The following HPD variants were observed in gnomAD, a reference collection of about 807,000 sequenced individuals.
HPD encodes the protein 4-hydroxyphenylpyruvate dioxygenase.
A neutral mutation model predicts 56.9 loss-of-function variants in HPD; 35 were observed. The ratio of observed to expected loss-of-function variants is 0.62; its 90% CI spans 0.47 to 0.82. HPD has a LOEUF of 0.82. Among genes scored for constraint, HPD ranks in the 40% least tolerant of loss-of-function variants. The probability of loss-of-function intolerance (pLI) is 0.00; values close to 1 mark genes in which losing one functional copy is unlikely to be tolerated. For synonymous variants in HPD, 186 were observed against 200.2 expected (o/e 0.93, Z 0.60); for missense variants, 442 against 506.8 (o/e 0.87, Z 1.23).
At chr12:121,841,157 G>A (rs1380980013) in intron 12 of HPD, among the ~76,000 whole-genome samples, 4 of 150,752 alleles carry the variant, frequency 2.7e-5, no homozygotes, top group African/African-American at 7.3e-5. Flanking sequence ...AGCCAAGATC[G>A]GCCACTGCTC....
intron 7 of HPD, among the ~76,000 whole-genome samples, chr12:121,851,511 T>G (rs1197380944): frequency 6.8e-6 from 1 of 147,702 alleles, no homozygotes; most frequent in Admixed American, 6.8e-5. Flanking sequence ...GCCCAGCTAA[T>G]TTTTGTATAT....
the HPD span, among the ~76,000 whole-genome samples, chr12:121,880,992 C>T: frequency 1.3e-5 from 2 of 152,162 alleles, no homozygotes; most frequent in African/African-American, 4.8e-5. Flanking sequence ...AGGATTTCGC[C>T]ATGTTGGCCA....
chr12:121,864,222 G>A (rs1565881523), upstream of HPD, among the ~76,000 whole-genome samples: 2 of 151,192 alleles, frequency 1.3e-5, no homozygotes, highest in African/African-American at 4.9e-5. Context: ...CCAGCCTGGC[G>A]ACAGAGCAAG....
chr12:121,851,461 C>G (rs1333559795), intron 7 of HPD, among the ~76,000 whole-genome samples: 1 of 151,824 alleles, frequency 6.6e-6, no homozygotes, highest in Non-Finnish European at 1.5e-5. Context: ...ATTCTTCTGC[C>G]TCAGCCTCCC....
chr12:121,885,425 C>G, the HPD span, among the ~76,000 whole-genome samples: 1 of 151,806 alleles, frequency 6.6e-6, no homozygotes, highest in Non-Finnish European at 1.5e-5. Flanking sequence ...TGGTCTCCAT[C>G]TCTTGACCTT....
chr12:121,864,784 C>G (rs1474508097), upstream of HPD, among the ~76,000 whole-genome samples: 1 of 151,312 alleles, frequency 6.6e-6, no homozygotes, highest in African/African-American at 2.4e-5. Context: ...ACCCGGGGCG[C>G]GGAGCTTGCA....
chr12:121,882,720 T>C, the HPD span, among the ~76,000 whole-genome samples: 1 of 152,080 alleles, frequency 6.6e-6, no homozygotes, highest in African/African-American at 2.4e-5. Context: ...TATTTCTTTT[T>C]CTTTTTGTTT....
Position 121,847,167 on chromosome 12 carries a change from G to GTT in HPD, c.643_644insAA (p.Thr215LysfsTer68), listed in dbSNP as rs768379799. ...AGAGCTATATTCCGTGTGCACCTGC[G>GTT]TGTCATCCACGGACCAGAAGCGGTG... On this transcript the variant is annotated frameshift_variant, in exon 10 of 14. Transcript: ENST00000289004. LOFTEE classifies it high-confidence loss of function. The GTT allele has an allele frequency of 6.2e-7, 1 of 1,614,154 alleles. No individual in the cohort carries two copies. The highest frequency in any genetic ancestry group is 8.5e-7 in the Non-Finnish European group (1 of 1,180,008).
chr12:121,843,795 G>A lies in HPD; in HGVS notation c.869C>T (p.Ser290Phe). ...TTGTTTGTAGTACGTGGAGGGAACAGATAAGAACTCCAGGCCTCTCTCTCT... is the reference window on the plus strand; with the variant it reads ...TTGTTTGTAGTACGTGGAGGGAACAAATAAGAACTCCAGGCCTCTCTCTCT... ...HLRERGLEFL[S>F]VPSTYYKQLR... is the part of the protein sequence containing the mutation. Residue 290 changes from serine (S) to phenylalanine (F), a missense_variant, in exon 12 of 14, where the codon TCT (serine) becomes TTT (phenylalanine). Transcript: ENST00000289004. The A allele has an allele frequency of 6.2e-7, 1 of 1,614,026 alleles. No individual in the cohort carries two copies. Among genetic ancestry groups the A allele is most frequent in the South Asian group, 1.1e-5 (1 of 91,086 alleles).
intron 7 of HPD, 151 bp downstream of exon 7, chr12:121,854,552 A>C: frequency 1.4e-6 from 1 of 724,766 alleles, no homozygotes; most frequent in Non-Finnish European, 2.5e-6. Context: ...GTCCCCGTAC[A>C]CTGGCCAGGC....
rs187782865 is a variant in HPD, at chr12:121,844,789, G to A, written c.832-957C>T. ...CCAGCTACTTGGGAGGCTGAGGCAG[G>A]AGAATGGCGTAAACCCGGGAGGCAG... On this transcript the variant is annotated intron_variant, in intron 11 of 13. Coordinates refer to ENST00000289004, the MANE Select transcript of HPD (RefSeq NM_002150.3). Among the ~76,000 whole-genome samples, 68 of 152,080 alleles carry A rather than the reference G, an allele frequency of 4.5e-4. 1 individual carries two copies. Among genetic ancestry groups the A allele is most frequent in the African/African-American group, 1.6e-3 (65 of 41,472 alleles).
intron 11 of HPD, among the ~76,000 whole-genome samples, 161 bp downstream of exon 11, chr12:121,846,701 T>G (rs192348238): frequency 0.017 from 2,567 of 152,216 alleles, 27 homozygotes; most frequent in Middle Eastern, 0.041. Context: ...TGGGTGTGGC[T>G]GTGCCTGCCC....
chr12:121,864,784 C>T (rs1474508097), upstream of HPD, among the ~76,000 whole-genome samples: 2 of 151,312 alleles, frequency 1.3e-5, no homozygotes, highest in African/African-American at 4.9e-5. Context: ...ACCCGGGGCG[C>T]GGAGCTTGCA....
chr12:121,886,111 T>C, the HPD span, among the ~76,000 whole-genome samples: 4 of 144,752 alleles, frequency 2.8e-5, no homozygotes, highest in African/African-American at 1.0e-4. Context: ...TGCATTTAGT[T>C]TTTTTTTTTT....
Position 121,839,666 on chromosome 12 carries a change from G to A in HPD, c.*62C>T. 1 of 1,240,606 alleles carries A rather than the reference G, an allele frequency of 8.1e-7. No individual in the cohort carries two copies. Among genetic ancestry groups the A allele is most frequent in the South Asian group, 1.2e-5 (1 of 83,434 alleles). 76.8% of individuals were successfully genotyped at this position (1,240,606 alleles called of 1,614,324 possible). On this transcript the variant is annotated 3_prime_UTR_variant, in exon 14 of 14. Transcript: ENST00000289004. Reference sequence around the variant, plus strand: ...AGGGGAGCAGCCAGTAGGGAAGTTGGGCGAGTTCCAGAATCAGGGGGCGTG... The same window carrying A: ...AGGGGAGCAGCCAGTAGGGAAGTTGAGCGAGTTCCAGAATCAGGGGGCGTG...
chr12:121,885,723 G>A, the HPD span, among the ~76,000 whole-genome samples: 3,919 of 151,830 alleles, frequency 0.026, 71 homozygotes, highest in Non-Finnish European at 0.043. Context: ...AGCACATTGG[G>A]AGGCTAAGGC....
At chr12:121,886,148 G>A in the HPD span, among the ~76,000 whole-genome samples, 2 of 134,102 alleles carry the variant, frequency 1.5e-5, no homozygotes, top group African/African-American at 2.8e-5. Context: ...TCACTCTCTC[G>A]CCCGGGCTGG....
At chr12:121,883,682 C>CTTT in the HPD span, among the ~76,000 whole-genome samples, 923 of 138,750 alleles carry the variant, frequency 6.7e-3, 24 homozygotes, top group East Asian at 0.074. Context: ...TTCCTTCTTT[C>CTTT]TTTTTTTTTT....
upstream of HPD, among the ~76,000 whole-genome samples, chr12:121,866,558 A>G (rs1345352927): frequency 4.6e-5 from 7 of 151,992 alleles, no homozygotes; most frequent in African/African-American, 1.7e-4. Context: ...AACCAATGCA[A>G]CCTTGCCATT....
Sources: allele counts gnomAD v4.1 joint callset (sites outside exome capture counted in the v4.1 genomes callset), GRCh38; gene constraint gnomAD v4.1.1; transcripts MANE v1.5; gene names NCBI Gene and HGNC (gene_info 2026-07-23, HGNC 2026-07-21).